The following EYA2 variants were observed in gnomAD, a reference collection of about 807,000 sequenced individuals.
EYA2 encodes the protein EYA transcriptional coactivator and phosphatase 2.
Under a neutral mutation model 69.2 loss-of-function variants are expected in EYA2, and 31 were observed. The ratio of observed to expected loss-of-function variants is 0.45; its 90% CI spans 0.34 to 0.60. EYA2 has a LOEUF of 0.60. Among genes scored for constraint, EYA2 ranks in the 20% least tolerant of loss-of-function variants. The pLI, the probability that EYA2 is intolerant of heterozygous loss-of-function variation, is 0.02. For synonymous variants in EYA2, 257 were observed against 279.4 expected (o/e 0.92, Z 0.80); for missense variants, 622 against 701.2 (o/e 0.89, Z 1.28).
chr20:47,027,765 C>T (rs968883435), intron 5 of EYA2, among the ~76,000 whole-genome samples: 1 of 152,184 alleles, frequency 6.6e-6, no homozygotes, highest in Admixed American at 6.5e-5. Context: ...GGCTGTGCAA[C>T]GTGATAGCCC....
Position 47,180,920 on chromosome 20 carries a change from C to T in EYA2, c.1419C>T (p.Tyr473=). The T allele has an allele frequency of 1.2e-6, 2 of 1,614,102 alleles. No homozygotes were observed. Among genetic ancestry groups the T allele is most frequent in the Non-Finnish European group, 1.7e-6 (2 of 1,179,992 alleles). ...LGSVFPIENI[Y]SATKTGKESC... ...CTGTGTTTCCTATTGAGAACATCTA[C>T]AGTGCAACCAAGACAGGTAGGGAGA... is the stretch of plus-strand genomic sequence containing the variant. The change falls in exon 14 of 16, where the codon TAC becomes TAT. Residue 473 remains tyrosine (Y), a synonymous_variant. Transcript: ENST00000327619.
intron 1 of EYA2, among the ~76,000 whole-genome samples, chr20:46,935,990 G>A (rs906246346): frequency 3.3e-5 from 5 of 152,038 alleles, no homozygotes; most frequent in Non-Finnish European, 7.4e-5. Context: ...CAGTGCTCAC[G>A]GGAGCATTTT....
intron 5 of EYA2, among the ~76,000 whole-genome samples, chr20:47,066,458 T>A (rs2031112453): frequency 6.6e-6 from 1 of 152,206 alleles, no homozygotes; most frequent in Admixed American, 6.5e-5. Context: ...TAGCAATGTC[T>A]TCAACAAGAA....
At chr20:47,129,083 C>T (rs2033269453) in intron 9 of EYA2, among the ~76,000 whole-genome samples, 1 of 152,156 alleles carries the variant, frequency 6.6e-6, no homozygotes, top group Non-Finnish European at 1.5e-5. Flanking sequence ...AAGATCATGC[C>T]ACTGCACTCC....
At chr20:47,171,238 G>A (rs1457112742) in intron 11 of EYA2, among the ~76,000 whole-genome samples, 1 of 152,230 alleles carries the variant, frequency 6.6e-6, no homozygotes, top group African/African-American at 2.4e-5. Flanking sequence ...CCTGTCTCAT[G>A]CTGAGCTGTT....
At chr20:47,118,149 A>G (rs941776601) in intron 9 of EYA2, among the ~76,000 whole-genome samples, 1 of 152,266 alleles carries the variant, frequency 6.6e-6, no homozygotes, top group Non-Finnish European at 1.5e-5. Flanking sequence ...TTAAGTCAAG[A>G]TGAATACAAT....
chr20:46,911,231 TTGTGTGTGTGTGTG>T (rs140564632), intron 1 of EYA2, among the ~76,000 whole-genome samples: 37 of 148,238 alleles, frequency 2.5e-4, no homozygotes, highest in Non-Finnish European at 4.5e-4. Flanking sequence ...GCTGGATAAT[TTGTGTGTGTGTGTG>T]TGTGTGTGTG....
chr20:47,171,830 G>T (rs919794256), intron 11 of EYA2, among the ~76,000 whole-genome samples: 1 of 152,142 alleles, frequency 6.6e-6, no homozygotes, highest in Non-Finnish European at 1.5e-5. Flanking sequence ...AGTGGCTCAC[G>T]CCTGTAATCC....
intron 1 of EYA2, among the ~76,000 whole-genome samples, chr20:46,903,186 A>G (rs529622611): frequency 2.6e-5 from 4 of 152,184 alleles, no homozygotes; most frequent in African/African-American, 7.2e-5. Context: ...GAGGATCCCA[A>G]TGTGTTCTCA....
At chr20:47,076,236 T>C (rs1391645731) in intron 7 of EYA2, among the ~76,000 whole-genome samples, 1 of 152,242 alleles carries the variant, frequency 6.6e-6, no homozygotes, top group African/African-American at 2.4e-5. Context: ...ATTGCTGGTA[T>C]ATATCCAAAT....
At chr20:47,070,760 T>C (rs2031283395) in intron 5 of EYA2, among the ~76,000 whole-genome samples, 1 of 152,240 alleles carries the variant, frequency 6.6e-6, no homozygotes, top group South Asian at 2.1e-4. Context: ...TTAATGCCAC[T>C]GAACTGTACA....
At chr20:46,911,246 TG>T (rs1984630278) in intron 1 of EYA2, among the ~76,000 whole-genome samples, 2 of 151,904 alleles carry the variant, frequency 1.3e-5, no homozygotes, top group Non-Finnish European at 2.9e-5. Flanking sequence ...TGTGTGTGTG[TG>T]TGTGTGTGTG....
intron 4 of EYA2, among the ~76,000 whole-genome samples, chr20:47,005,999 C>T (rs1982690119): frequency 6.6e-6 from 1 of 152,234 alleles, no homozygotes; most frequent in Admixed American, 6.5e-5. Context: ...GCACTGGCTT[C>T]AGGCAGGCCT....
chr20:47,177,896 G>A (rs949259872), intron 12 of EYA2, among the ~76,000 whole-genome samples: 2 of 152,194 alleles, frequency 1.3e-5, no homozygotes, highest in South Asian at 2.1e-4. Flanking sequence ...CAAACACATC[G>A]TCACACAGAT....
chr20:47,126,001 G>A (rs920625404), intron 9 of EYA2, among the ~76,000 whole-genome samples: 13 of 152,140 alleles, frequency 8.5e-5, no homozygotes, highest in African/African-American at 2.4e-4. Flanking sequence ...AAAGTGAGGC[G>A]AAGGCAGGCA....
chr20:47,074,044 C>T (rs1458151992), intron 6 of EYA2, 114 bp from the exon 7 acceptor site: 1 of 1,023,842 alleles, frequency 9.8e-7, no homozygotes, highest in East Asian at 2.8e-5. Context: ...AAGACAGTTT[C>T]TGCCCACAGA....
intron 1 of EYA2, among the ~76,000 whole-genome samples, chr20:46,985,121 G>T (rs1028660875): frequency 2.0e-5 from 3 of 152,202 alleles, no homozygotes; most frequent in African/African-American, 7.2e-5. Context: ...ATTGTCTAGG[G>T]CATGGTGGAA....
chr20:47,185,711 A>G (rs2034626850), intron 15 of EYA2, among the ~76,000 whole-genome samples: 1 of 152,214 alleles, frequency 6.6e-6, no homozygotes, highest in Non-Finnish European at 1.5e-5. Context: ...ATGCTAGGGC[A>G]GTGAGAAGGC....
At chr20:47,129,302 A>T (rs1282752777) in intron 9 of EYA2, among the ~76,000 whole-genome samples, 1 of 152,210 alleles carries the variant, frequency 6.6e-6, no homozygotes, top group East Asian at 1.9e-4. Context: ...ACTGCAACAG[A>T]GTAATGGGAT....
Sources: gnomAD v4.1 joint callset for allele counts (sites outside exome capture counted in the v4.1 genomes callset) on GRCh38, gnomAD v4.1.1 for gene constraint, MANE v1.5 for transcripts, NCBI Gene and HGNC (gene_info 2026-07-23, HGNC 2026-07-21) for gene names.